The following SIK3 variants were observed in gnomAD, a reference collection of about 807,000 sequenced individuals.
The protein encoded by SIK3 is serine/threonine-protein kinase SIK3.
A neutral mutation model predicts 144.2 loss-of-function variants in SIK3; 28 were observed. The ratio of observed to expected loss-of-function variants is 0.19; its 90% CI spans 0.14 to 0.27. The LOEUF is 0.27. SIK3 is among the 10% of genes least tolerant of loss of function. The pLI, the probability that SIK3 is intolerant of heterozygous loss-of-function variation, is 1.00. For synonymous variants in SIK3, 686 were observed against 676.3 expected (o/e 1.01, Z -0.22); for missense variants, 1,319 against 1,776.0 (o/e 0.74, Z 4.62).
At chr11:116,894,916 G>A (rs534943650) in intron 6 of SIK3, among the ~76,000 whole-genome samples, 27 of 152,192 alleles carry the variant, frequency 1.8e-4, no homozygotes, top group African/African-American at 6.5e-4. Flanking sequence ...TTAGCCTACC[G>A]GCAACATAGC....
At position 116,867,954 on chromosome 11, in the gene SIK3, A is replaced by G; in HGVS notation, c.1944T>C (p.Asp648=). The G allele has an allele frequency of 6.5e-7, 1 of 1,543,546 alleles. No homozygotes were observed. Reference sequence around the variant, plus strand: ...CTCATGTGGCTACTCACCGATGCTGATCAGGTACCAGGTGAGGAGGCCAGA... The same window carrying G: ...CTCATGTGGCTACTCACCGATGCTGGTCAGGTACCAGGTGAGGAGGCCAGA... ...SRVWPPHLVP[D]QHRSTYKDSN... The change falls in exon 15 of 25, where the codon GAT becomes GAC. Residue 648 remains aspartate, a synonymous_variant. Transcript: ENST00000445177. The surrounding 1 kb of genome is among the most constrained non-coding windows in gnomAD (Gnocchi z 4.1).
rs576069086 is a variant in SIK3, at chr11:116,913,837, C to A, written c.616+13382G>T. Among the ~76,000 whole-genome samples, 4 of 152,072 alleles carry A rather than the reference C, an allele frequency of 2.6e-5. No homozygotes were observed. In the East Asian group the frequency reaches 7.8e-4, roughly 29 times the overall value. On this transcript the variant is annotated intron_variant, in intron 4 of 24. Transcript: ENST00000445177. ...CCCAGGAGGCAGAGGTTGCAGTGGG[C>A]AGAGATCGGGCCACTGCACTCCAGC...
At chr11:116,875,596 G>A (rs965178263) in intron 9 of SIK3, 145 bp from the exon 10 acceptor site, 2 of 899,576 alleles carry the variant, frequency 2.2e-6, no homozygotes, top group Admixed American at 5.4e-5. Flanking sequence ...GTCACAACAA[G>A]GAAGCATCCT....
intron 4 of SIK3, among the ~76,000 whole-genome samples, chr11:116,907,259 C>A (rs1414549655): frequency 6.6e-6 from 1 of 152,248 alleles, no homozygotes; most frequent in East Asian, 1.9e-4. Flanking sequence ...CGCCAGTTCT[C>A]AGTGCCCTCA....
chr11:116,902,602 T>C (rs17120132), intron 4 of SIK3, among the ~76,000 whole-genome samples: 2 of 152,244 alleles, frequency 1.3e-5, no homozygotes, highest in South Asian at 4.1e-4. Context: ...CTAGACCCAA[T>C]AACCAAATGC....
intron 1 of SIK3, among the ~76,000 whole-genome samples, chr11:116,988,223 T>C (rs560213797): frequency 6.6e-6 from 1 of 151,930 alleles, no homozygotes; most frequent in East Asian, 1.9e-4. Flanking sequence ...CCGTCTCTAC[T>C]AAAACTACAA....
chr11:116,927,160 A>G, intron 4 of SIK3, 59 bp downstream of exon 4: 1 of 1,295,172 alleles, frequency 7.7e-7, no homozygotes. Context: ...TCCCTTGCTT[A>G]TAGAACCCCA....
At chr11:116,906,691 A>G (rs1302902918) in intron 4 of SIK3, among the ~76,000 whole-genome samples, 1 of 152,220 alleles carries the variant, frequency 6.6e-6, no homozygotes, top group Admixed American at 6.5e-5. Context: ...GATCTGAGGG[A>G]AAACAAATGA....
chr11:116,956,352 A>G (rs542956229), intron 2 of SIK3, among the ~76,000 whole-genome samples: 3 of 151,900 alleles, frequency 2.0e-5, no homozygotes, highest in South Asian at 4.2e-4. Flanking sequence ...AAAAAAAACT[A>G]AAATAGAAAT....
rs184166035 is a variant in SIK3, at chr11:116,960,045, A to G, written c.274-2981T>C. ...AAAATATCAAATGTACCCCATAAAT[A>G]TGTACTATAATAAATAAATACATAC... is the stretch of plus-strand genomic sequence containing the variant. On this transcript the variant is annotated intron_variant, in intron 1 of 24. Coordinates refer to ENST00000445177, the MANE Select transcript of SIK3 (RefSeq NM_001366686.3). Among the ~76,000 whole-genome samples the G allele has an allele frequency of 1.3e-3, 200 of 152,378 alleles. 5 individuals carry two copies. The South Asian group carries it at 0.024, about 18-fold the overall frequency.
chr11:116,875,780 C>G, intron 9 of SIK3, 86 bp downstream of exon 9: 1 of 1,453,986 alleles, frequency 6.9e-7, no homozygotes, highest in Non-Finnish European at 9.2e-7. Context: ...GCAAGAAACT[C>G]TCGACTTAGG....
At chr11:116,941,821 A>G (rs1430100636) in intron 3 of SIK3, among the ~76,000 whole-genome samples, 1 of 152,224 alleles carries the variant, frequency 6.6e-6, no homozygotes, top group Non-Finnish European at 1.5e-5. Flanking sequence ...GGTCTCAAAT[A>G]GGAAGTTTGG....
intron 1 of SIK3, among the ~76,000 whole-genome samples, chr11:117,013,915 G>GGGGGGGGGGGGGTGTGTGT (rs1206309055): frequency 4.2e-5 from 1 of 23,618 alleles, no homozygotes; most frequent in Non-Finnish European, 1.3e-4. Flanking sequence ...GGGGGGGGAG[G>GGGGGGGGGGGGGTGTGTGT]GTGTGTGTGT....
chr11:116,844,628 TAATATATTATATTATATATTATATATATA>T lies in SIK3; in HGVS notation c.*986_*1014del, dbSNP rs1941789226. The T allele has an allele frequency of 1.8e-5, 1 of 56,704 alleles. No homozygotes were observed. The highest frequency in any genetic ancestry group is 1.9e-4 in the Admixed American group (1 of 5,188). 3.5% of individuals were successfully genotyped at this position (56,704 alleles called of 1,614,324 possible). A position where few individuals can be genotyped will look rare whatever the true frequency, so the allele number is the denominator to read the frequency against. Reference sequence around the variant, plus strand: ...ATATATTATATATATAATATATATATAATATATTATATTATATATTATATATATAATATATATATACACATATATTATAT... The same window carrying T: ...ATATATTATATATATAATATATATATATATATATATACACATATATTATAT... On this transcript the variant is annotated 3_prime_UTR_variant, in exon 25 of 25. Coordinates refer to ENST00000445177, the MANE Select transcript of SIK3 (RefSeq NM_001366686.3).
At chr11:116,979,607 G>A (rs1383459352) in intron 1 of SIK3, among the ~76,000 whole-genome samples, 2 of 152,172 alleles carry the variant, frequency 1.3e-5, no homozygotes, top group East Asian at 3.8e-4. Context: ...AGCACTGTGG[G>A]AGGCCAAGGT....
In SIK3 at chr11:116,897,214, A is replaced by T. The variant is rs764293252; in HGVS notation, c.720T>A (p.Asp240Glu). 6.2e-7 allele frequency: 1 copy of T among 1,613,950 alleles called. No individual in the cohort carries two copies. The highest frequency in any genetic ancestry group is 8.5e-7 in the Non-Finnish European group (1 of 1,179,966). ...APELFEGKEY[D>E]GPKVDIWSLG... ...TTACCCAGATGTCCACTTTGGGCCC[A>T]TCATATTCTTTTCCTTCAAAGAGTT... The change falls in exon 5 of 25, where the codon GAT becomes GAA. Residue 240 changes from aspartate (D) to glutamate (E), a missense_variant. By Grantham distance (45) the Asp-to-Glu change is conservative (BLOSUM62 2). This residue lies in a region of SIK3 where 125 missense variants were observed against 285.2 expected (regional missense o/e 0.44). Coordinates refer to ENST00000445177, the MANE Select transcript of SIK3 (RefSeq NM_001366686.3).
chr11:116,975,622 T>C (rs567391322), intron 1 of SIK3, among the ~76,000 whole-genome samples: 1 of 152,352 alleles, frequency 6.6e-6, no homozygotes, highest in South Asian at 2.1e-4. Context: ...TTGATGGACA[T>C]TTTGGTTGTT....
intron 14 of SIK3, chr11:116,869,353 G>A (rs1943830065): frequency 6.6e-6 from 1 of 152,198 alleles, no homozygotes. Context: ...GTCCTAGCCA[G>A]CAACTGGCAG....
At chr11:117,085,245 T>C (rs1954955489) in intron 1 of SIK3, among the ~76,000 whole-genome samples, 1 of 152,040 alleles carries the variant, frequency 6.6e-6, no homozygotes, top group African/African-American at 2.4e-5. Context: ...ACCTCCCAAG[T>C]AGCTAGAACT....
Sources: allele counts gnomAD v4.1 joint callset (sites outside exome capture counted in the v4.1 genomes callset), GRCh38; gene constraint gnomAD v4.1.1; regional missense constraint gnomAD v4.1.1; non-coding constraint Gnocchi (gnomAD v3.1); transcripts MANE v1.5; gene names NCBI Gene and HGNC (gene_info 2026-07-23, HGNC 2026-07-21).